The following ZC3H6 variants were observed in gnomAD, a reference collection of about 807,000 sequenced individuals.
ZC3H6 encodes the protein zinc finger CCCH domain-containing protein 6.
ZC3H6 carries 40 observed loss-of-function variants against 107.7 expected under a neutral mutation model. The ratio of observed to expected loss-of-function variants is 0.37; its 90% CI spans 0.29 to 0.48. ZC3H6 has a LOEUF of 0.48. Ranked by LOEUF, ZC3H6 falls within the 20% of genes least tolerant of loss-of-function variation. The probability of loss-of-function intolerance (pLI) is 0.98; values close to 1 mark genes in which losing one functional copy is unlikely to be tolerated. For missense variants in ZC3H6, 1,267 were observed against 1,410.4 expected (o/e 0.90, Z 1.63); for synonymous variants, 493 against 487.9 (o/e 1.01, Z -0.14).
At chr2:112,324,008 G>C in intron 9 of ZC3H6, 144 bp from the exon 10 acceptor site, 1 of 837,076 alleles carries the variant, frequency 1.2e-6, no homozygotes. Context: ...ACCTATCGAC[G>C]CTATGGAACA....
intron 1 of ZC3H6, among the ~76,000 whole-genome samples, chr2:112,285,289 A>C (rs1051765320): frequency 1.3e-5 from 2 of 152,180 alleles, no homozygotes; most frequent in African/African-American, 4.8e-5. Context: ...AAGTGACACA[A>C]AAAGATTTTC....
chr2:112,302,601 C>T (rs1676401592), intron 2 of ZC3H6, among the ~76,000 whole-genome samples: 1 of 152,022 alleles, frequency 6.6e-6, no homozygotes, highest in African/African-American at 2.4e-5. Context: ...TCATTCTGAC[C>T]AGATGGAGGA....
In ZC3H6 at chr2:112,332,247, C is replaced by T. The variant is rs780405219; in HGVS notation, c.3329C>T (p.Pro1110Leu). The T allele has an allele frequency of 1.2e-6, 2 of 1,613,816 alleles. No homozygotes were observed. The highest frequency in any genetic ancestry group is 2.7e-5 in the African/African-American group (2 of 74,916). The part of the protein sequence containing the change: ...SPNVGVTLEG[P>L]ADPQADVPRS... Reference sequence around the variant, plus strand: ...AACGTGGGAGTCACTCTTGAGGGGCCAGCTGACCCACAGGCGGACGTTCCC... The same window carrying T: ...AACGTGGGAGTCACTCTTGAGGGGCTAGCTGACCCACAGGCGGACGTTCCC... The change falls in exon 12 of 12, where the codon CCA (proline) becomes CTA (leucine). Residue 1110 changes from proline to leucine, a missense_variant. By Grantham distance (98) the Pro-to-Leu change is moderately conservative. Coordinates refer to ENST00000409871, the MANE Select transcript of ZC3H6 (RefSeq NM_198581.3).
Position 112,309,871 on chromosome 2 carries a change from C to T in ZC3H6, c.337-14C>T, listed in dbSNP as rs1323192914. The T allele has an allele frequency of 6.4e-7, 1 of 1,554,792 alleles. No individual in the cohort carries two copies. The highest frequency in any genetic ancestry group is 8.7e-7 in the Non-Finnish European group (1 of 1,148,854). Reference sequence around the variant, plus strand: ...ATTGAAAAATCCTGATAATGATTGTCCATTTTCACTTAGCGTGGACATATA... The same window carrying T: ...ATTGAAAAATCCTGATAATGATTGTTCATTTTCACTTAGCGTGGACATATA... On this transcript the variant is annotated splice_polypyrimidine_tract_variant and intron_variant, in intron 3 of 11. Coordinates refer to ENST00000409871, the MANE Select transcript of ZC3H6 (RefSeq NM_198581.3).
chr2:112,297,384 C>T (rs1197675224), intron 1 of ZC3H6, among the ~76,000 whole-genome samples: 1 of 152,102 alleles, frequency 6.6e-6, no homozygotes, highest in Admixed American at 6.5e-5. Flanking sequence ...AATGCCCACA[C>T]CATAGTTTAG....
intron 1 of ZC3H6, among the ~76,000 whole-genome samples, chr2:112,290,976 T>G (rs1264994445): frequency 6.6e-6 from 1 of 152,110 alleles, no homozygotes; most frequent in Non-Finnish European, 1.5e-5. Context: ...AGGAGAAATT[T>G]CTCTCTGATC....
chr2:112,312,107 G>C (rs1330761005), intron 5 of ZC3H6, 170 bp downstream of exon 5: 4 of 601,142 alleles, frequency 6.7e-6, no homozygotes, highest in South Asian at 4.6e-5. Flanking sequence ...AATTAGTTGT[G>C]AAACTAATTT....
Position 112,332,216 on chromosome 2 carries a change from A to G in ZC3H6, c.3298A>G (p.Ser1100Gly), listed in dbSNP as rs1384157452. ...PGEAILPQKP[S>G]PNVGVTLEGP... ...AGAAGCCATCCTTCCACAAAAACCC[A>G]GTCCAAACGTGGGAGTCACTCTTGA... Residue 1100 changes from serine to glycine, a missense_variant, in exon 12 of 12, where the codon AGT becomes GGT. By Grantham distance (56) the Ser-to-Gly change is moderately conservative. Transcript: ENST00000409871. 9 of 1,613,876 alleles carry G rather than the reference A, an allele frequency of 5.6e-6. No homozygotes were observed. The highest frequency in any genetic ancestry group is 7.6e-6 in the Non-Finnish European group (9 of 1,179,902).
intron 7 of ZC3H6, among the ~76,000 whole-genome samples, chr2:112,317,903 C>T (rs906146554): frequency 5.9e-5 from 9 of 152,144 alleles, no homozygotes; most frequent in Admixed American, 1.3e-4. Context: ...TTGCTCACTA[C>T]GACTTATGAC....
chr2:112,339,702 T>A lies in ZC3H6; in HGVS notation c.*7214T>A, dbSNP rs576540591. On this transcript the variant is annotated 3_prime_UTR_variant, in exon 12 of 12. Coordinates refer to ENST00000409871, the MANE Select transcript of ZC3H6 (RefSeq NM_198581.3). ...CAGGTTATACCTATTCACTATGACTTTTTTTTTTTTTAACTTTCTACTGTA... is the reference window on the plus strand; with the variant it reads ...CAGGTTATACCTATTCACTATGACTATTTTTTTTTTTAACTTTCTACTGTA... The A allele has an allele frequency of 6.8e-6, 1 of 146,428 alleles. No homozygotes were observed. Among genetic ancestry groups the A allele is most frequent in the East Asian group, 2.0e-4 (1 of 4,978 alleles). 9.1% of individuals were successfully genotyped at this position (146,428 alleles called of 1,614,324 possible).
intron 3 of ZC3H6, among the ~76,000 whole-genome samples, chr2:112,303,943 T>C (rs1043606322): frequency 2.0e-5 from 3 of 152,228 alleles, no homozygotes; most frequent in Non-Finnish European, 4.4e-5. Context: ...GATCATATGG[T>C]GATTCTATGT....
At chr2:112,290,582 T>G (rs1181223810) in intron 1 of ZC3H6, among the ~76,000 whole-genome samples, 1 of 152,264 alleles carries the variant, frequency 6.6e-6, no homozygotes, top group Non-Finnish European at 1.5e-5. Flanking sequence ...TGTCTTTTTC[T>G]TGTTTTTGTT....
intron 3 of ZC3H6, among the ~76,000 whole-genome samples, chr2:112,303,853 C>T (rs780687944): frequency 6.6e-6 from 1 of 152,098 alleles, no homozygotes; most frequent in Non-Finnish European, 1.5e-5. Context: ...AATCATGCTG[C>T]TTATGAACAT....
intron 6 of ZC3H6, 49 bp from the exon 7 acceptor site, chr2:112,317,172 T>G: frequency 9.2e-7 from 1 of 1,083,656 alleles, no homozygotes. Flanking sequence ...TTGTTTCTCA[T>G]TGTTTCTTAC....
chr2:112,330,806 A>C (rs747360059), intron 11 of ZC3H6, among the ~76,000 whole-genome samples, 199 bp from the exon 12 acceptor site: 1 of 152,108 alleles, frequency 6.6e-6, no homozygotes, highest in Non-Finnish European at 1.5e-5. Flanking sequence ...CCAGTATTGA[A>C]ATCTGGCATT....
intron 1 of ZC3H6, among the ~76,000 whole-genome samples, chr2:112,294,740 CTATT>C (rs1012915749): frequency 6.6e-6 from 1 of 152,086 alleles, no homozygotes; most frequent in Non-Finnish European, 1.5e-5. Context: ...GTAGAATCCT[CTATT>C]AAGGCATATC....
At chr2:112,307,088 C>G (rs1245647415) in intron 3 of ZC3H6, among the ~76,000 whole-genome samples, 1 of 152,110 alleles carries the variant, frequency 6.6e-6, no homozygotes, top group Non-Finnish European at 1.5e-5. Context: ...ATTGCCCAGT[C>G]TGCTATTTAC....
chr2:112,297,446 A>T (rs986328681), intron 1 of ZC3H6, among the ~76,000 whole-genome samples: 8 of 152,178 alleles, frequency 5.3e-5, no homozygotes, highest in Non-Finnish European at 1.0e-4. Flanking sequence ...TTCTGCATGT[A>T]CTATTTGTAG....
At chr2:112,280,076 C>T (rs954660621) in intron 1 of ZC3H6, among the ~76,000 whole-genome samples, 1 of 151,850 alleles carries the variant, frequency 6.6e-6, no homozygotes, top group Non-Finnish European at 1.5e-5. Context: ...TTATTTTTTT[C>T]ATTTGTGAAA....
Sources: allele counts gnomAD v4.1 joint callset (sites outside exome capture counted in the v4.1 genomes callset), GRCh38; gene constraint gnomAD v4.1.1; transcripts MANE v1.5; gene names NCBI Gene and HGNC (gene_info 2026-07-23, HGNC 2026-07-21).